Variants in ZNF600 observed in about 807,000 individuals in gnomAD.
The protein encoded by ZNF600 is zinc finger protein 600.
A neutral mutation model predicts 7.3 loss-of-function variants in ZNF600; 4 were observed. The ratio of observed to expected loss-of-function variants is 0.55; its 90% CI spans 0.27 to 1.25. The LOEUF (loss-of-function observed/expected upper bound fraction) is 1.25. Ranked by LOEUF, ZNF600 falls within the 50% of genes most tolerant of loss-of-function variation. The pLI, the probability that ZNF600 is intolerant of heterozygous loss-of-function variation, is 0.12. For missense variants in ZNF600, 911 were observed against 922.1 expected (o/e 0.99, Z 0.16); for synonymous variants, 290 against 308.9 (o/e 0.94, Z 0.64).
the ZNF600 span, chr19:52,805,896 G>A: frequency 5.9e-5 from 9 of 151,952 alleles, no homozygotes; most frequent in African/African-American, 1.9e-4. Context: ...AGGAGAATCG[G>A]TTGTACCCGA....
At chr19:52,815,450 G>A in the ZNF600 span, among the ~76,000 whole-genome samples, 2 of 145,740 alleles carry the variant, frequency 1.4e-5, no homozygotes, top group Non-Finnish European at 3.0e-5. Context: ...CCGGGAGGTA[G>A]AGGTTGCAGT....
intron 3 of ZNF600, among the ~76,000 whole-genome samples, chr19:52,773,289 C>T (rs1285972392): frequency 6.6e-6 from 1 of 152,032 alleles, no homozygotes; most frequent in East Asian, 1.9e-4. Context: ...AAAATATTGA[C>T]CCAAGGTTAA....
At position 52,766,227 on chromosome 19, in the gene ZNF600, C is replaced by T. The variant is rs139812680; in HGVS notation, c.1736G>A (p.Arg579Lys). The T allele has an allele frequency of 2.6e-5, 42 of 1,612,894 alleles. No individual in the cohort carries two copies. The highest frequency in any genetic ancestry group is 3.3e-5 in the Non-Finnish European group (39 of 1,179,826). Residue 579 changes from arginine (R) to lysine (K), a missense_variant, in exon 4 of 4, where the codon AGG (arginine) becomes AAG (lysine). Physicochemically the swap from Arg to Lys is conservative, Grantham distance 26. Transcript: ENST00000648973. ...TCTGCGATGGCTTGCAAGGTATGAC[C>T]TCAGACGGAAGGTCTTGCTGCACTC...
rs778972849 is a variant in ZNF600, at chr19:52,781,302, G to C, written c.-19-2395C>G. The C allele has an allele frequency of 6.6e-6, 1 of 151,990 alleles. No homozygotes were observed. The highest frequency in any genetic ancestry group is 2.4e-5 in the African/African-American group (1 of 41,352). The allele number at this position is 151,990 out of a possible 1,614,324, so 9.4% of individuals were successfully genotyped here. A position where few individuals can be genotyped will look rare whatever the true frequency, so the allele number is the denominator to read the frequency against. On this transcript the variant is annotated intron_variant, in intron 1 of 3. Transcript: ENST00000648973. Reference sequence around the variant, plus strand: ...TCAGTGTCACTGACTGAGCTTTTCCGGTCTTATTCCTCACCTCTATGTTAC... The same window carrying C: ...TCAGTGTCACTGACTGAGCTTTTCCCGTCTTATTCCTCACCTCTATGTTAC...
intron 3 of ZNF600, among the ~76,000 whole-genome samples, chr19:52,773,207 T>C: frequency 6.6e-6 from 1 of 152,184 alleles, no homozygotes; most frequent in Non-Finnish European, 1.5e-5. Context: ...TGCATGTCTG[T>C]GGGAATATAA....
At chr19:52,809,764 CACTTCACTGCA>C in the ZNF600 span, 16 of 479,820 alleles carry the variant, frequency 3.3e-5, no homozygotes, top group Non-Finnish European at 7.4e-6. Context: ...GAGATCATGC[CACTTCACTGCA>C]GCCTGGGTGA....
the ZNF600 span, among the ~76,000 whole-genome samples, chr19:52,793,417 G>C: frequency 6.6e-6 from 1 of 152,190 alleles, no homozygotes; most frequent in African/African-American, 2.4e-5. Flanking sequence ...ACTTGCAGCT[G>C]AGGGGCTAGA....
chr19:52,775,574 C>A (rs1805733137), intron 2 of ZNF600, among the ~76,000 whole-genome samples: 1 of 152,004 alleles, frequency 6.6e-6, no homozygotes, highest in Non-Finnish European at 1.5e-5. Flanking sequence ...AACAAACAAA[C>A]ACAGGGTTTT....
chr19:52,777,649 G>C (rs1359425454), intron 2 of ZNF600, among the ~76,000 whole-genome samples: 1 of 152,064 alleles, frequency 6.6e-6, no homozygotes, highest in South Asian at 2.1e-4. Context: ...AACCAACATG[G>C]TGAAACCCCG....
chr19:52,779,901 A>G (rs2062706616), intron 1 of ZNF600, among the ~76,000 whole-genome samples: 2 of 152,242 alleles, frequency 1.3e-5, no homozygotes, highest in East Asian at 1.9e-4. Context: ...TGATCCGGGC[A>G]TCTACTTGGG....
the ZNF600 span, among the ~76,000 whole-genome samples, chr19:52,833,114 T>A: frequency 4.6e-5 from 7 of 152,044 alleles, no homozygotes; most frequent in African/African-American, 1.5e-4. Context: ...ATTAAGAAAT[T>A]GGATACAAAA....
intron 1 of ZNF600, among the ~76,000 whole-genome samples, chr19:52,782,856 C>A (rs1353673130): frequency 6.6e-6 from 1 of 151,800 alleles, no homozygotes; most frequent in African/African-American, 2.4e-5. Context: ...GCCTGCATGA[C>A]AGAGAAAGAC....
At chr19:52,799,938 T>C in the ZNF600 span, 10 of 1,613,916 alleles carry the variant, frequency 6.2e-6, no homozygotes, top group Non-Finnish European at 8.5e-6. Context: ...CTCATTACAC[T>C]TGTAAGGTTT....
At chr19:52,824,040 A>G in the ZNF600 span, among the ~76,000 whole-genome samples, 23 of 151,830 alleles carry the variant, frequency 1.5e-4, no homozygotes, top group African/African-American at 4.4e-4. Context: ...ACTCCAGCCC[A>G]GGCAACAACA....
the ZNF600 span, among the ~76,000 whole-genome samples, chr19:52,792,860 G>A: frequency 6.6e-6 from 1 of 151,804 alleles, no homozygotes; most frequent in Non-Finnish European, 1.5e-5. Flanking sequence ...AGCCTCCCGA[G>A]TAGCTGGGAC....
At chr19:52,810,163 C>A in the ZNF600 span, 1 of 953,060 alleles carries the variant, frequency 1.0e-6, no homozygotes, top group Non-Finnish European at 1.7e-6. Flanking sequence ...GCTATCGAAG[C>A]TGGAGTCAGG....
At chr19:52,818,151 G>C in the ZNF600 span, 1 of 1,080,908 alleles carries the variant, frequency 9.3e-7, no homozygotes, top group East Asian at 2.7e-5. Context: ...GCTGCCTACC[G>C]CACCACGAAC....
rs2062698715 is a variant in ZNF600, at chr19:52,778,971, C to T, written c.-19-64G>A. On this transcript the variant is annotated intron_variant, in intron 1 of 3. Transcript: ENST00000648973. The stretch of plus-strand genomic sequence containing the variant: ...ACTCACTCCCATCCTGTGACAAAAC[C>T]ACATGAACAGGGGAGACCTCACCCA... 5 of 1,471,268 alleles carry T rather than the reference C, an allele frequency of 3.4e-6. No individual in the cohort carries two copies. The Admixed American group carries it at 1.0e-4, about 30-fold the overall frequency. 91.1% of individuals were successfully genotyped at this position (1,471,268 alleles called of 1,614,324 possible). A position where few individuals can be genotyped will look rare whatever the true frequency, so the allele number is the denominator to read the frequency against.
exon 4 of ZNF600, chr19:52,765,306 G>A (rs368750586): frequency 1.8e-4 from 118 of 659,728 alleles, no homozygotes; most frequent in African/African-American, 1.7e-3. Flanking sequence ...GTGTGAACAT[G>A]AAGTAAAGGC....
Sources: allele counts gnomAD v4.1 joint callset (sites outside exome capture counted in the v4.1 genomes callset), GRCh38; gene constraint gnomAD v4.1.1; transcripts MANE v1.5; gene names NCBI Gene and HGNC (gene_info 2026-07-23, HGNC 2026-07-21).